The following NOL4 variants were observed in gnomAD, a reference collection of about 807,000 sequenced individuals.
The protein encoded by NOL4 is cancer/testis antigen 125.
In NOL4, 17 loss-of-function variants were observed where a neutral mutation model predicts 75.9. That is an observed-to-expected ratio of 0.22 (90% CI 0.15 to 0.34). NOL4 has a LOEUF of 0.34. NOL4 is among the 10% of genes least tolerant of loss of function. The pLI, the probability that NOL4 is intolerant of heterozygous loss-of-function variation, is 1.00. For missense variants in NOL4, 614 were observed against 793.5 expected (o/e 0.77, Z 2.72); for synonymous variants, 292 against 289.9 (o/e 1.01, Z -0.07).
chr18:34,017,184 C>T (rs1256534041), intron 6 of NOL4, among the ~76,000 whole-genome samples: 1 of 152,126 alleles, frequency 6.6e-6, no homozygotes, highest in African/African-American at 2.4e-5. Context: ...CTTACTTAAA[C>T]TCTTACTGTT....
chr18:34,085,592 A>T (rs1271725525), intron 5 of NOL4, among the ~76,000 whole-genome samples: 1 of 152,172 alleles, frequency 6.6e-6, no homozygotes, highest in African/African-American at 2.4e-5. Context: ...CAATGAGCTA[A>T]TTCTCTAAAC....
At chr18:33,925,863 C>T (rs1473270365) in intron 9 of NOL4, among the ~76,000 whole-genome samples, 1 of 152,076 alleles carries the variant, frequency 6.6e-6, no homozygotes, top group Non-Finnish European at 1.5e-5. Context: ...CTTTTCCAGG[C>T]CCATTTGTTT....
At chr18:34,041,492 G>C (rs1340628573) in intron 5 of NOL4, among the ~76,000 whole-genome samples, 1 of 146,916 alleles carries the variant, frequency 6.8e-6, no homozygotes, top group Non-Finnish European at 1.5e-5. Context: ...GTTATCCATG[G>C]GGACCTTATT....
chr18:33,883,085 T>C (rs981113412), intron 10 of NOL4, among the ~76,000 whole-genome samples, 159 bp downstream of exon 10: 3 of 152,140 alleles, frequency 2.0e-5, no homozygotes, highest in Admixed American at 1.3e-4. Flanking sequence ...AGCGATAGCA[T>C]TGGGAGATAT....
At chr18:33,861,915 A>G (rs1018204640) in intron 10 of NOL4, among the ~76,000 whole-genome samples, 1 of 152,252 alleles carries the variant, frequency 6.6e-6, no homozygotes, top group Middle Eastern at 3.4e-3. Flanking sequence ...ATTGGAAAAA[A>G]CTACTTTCAA....
intron 5 of NOL4, among the ~76,000 whole-genome samples, chr18:34,045,943 G>A (rs2076344230): frequency 6.6e-6 from 1 of 151,980 alleles, no homozygotes; most frequent in Admixed American, 6.6e-5. Context: ...CAATCACAAT[G>A]GGCAGTTTTA....
intron 1 of NOL4, among the ~76,000 whole-genome samples, chr18:34,194,455 G>C (rs2035169242): frequency 6.8e-6 from 1 of 146,370 alleles, no homozygotes. Flanking sequence ...AAGGAAGGAA[G>C]GAAGGCAGGC....
chr18:34,171,888 A>C (rs531070546), intron 1 of NOL4, among the ~76,000 whole-genome samples: 1 of 152,238 alleles, frequency 6.6e-6, no homozygotes, highest in African/African-American at 2.4e-5. Flanking sequence ...AATCAGAATT[A>C]TACTCTCTAT....
chr18:34,211,290 A>C (rs1317886951), intron 1 of NOL4, among the ~76,000 whole-genome samples: 1 of 152,236 alleles, frequency 6.6e-6, no homozygotes, highest in Non-Finnish European at 1.5e-5. Context: ...ACAGAGGAAA[A>C]ATGAGCAACA....
chr18:34,069,907 C>T (rs1418968418), intron 5 of NOL4, among the ~76,000 whole-genome samples: 2 of 152,226 alleles, frequency 1.3e-5, no homozygotes, highest in Non-Finnish European at 2.9e-5. Context: ...AACTTAGGAC[C>T]AACCAGAGAA....
chr18:34,011,989 C>T (rs1016389585), intron 6 of NOL4, among the ~76,000 whole-genome samples: 3 of 151,838 alleles, frequency 2.0e-5, no homozygotes, highest in Non-Finnish European at 4.4e-5. Flanking sequence ...ATTATAGAAG[C>T]CCCTCACCTT....
chr18:34,147,750 T>A (rs2081467330), intron 1 of NOL4, among the ~76,000 whole-genome samples: 1 of 152,124 alleles, frequency 6.6e-6, no homozygotes, highest in South Asian at 2.1e-4. Flanking sequence ...TAGGGAAGAT[T>A]TCCTCTTTTT....
intron 5 of NOL4, among the ~76,000 whole-genome samples, chr18:34,026,465 C>T (rs1483265715): frequency 1.3e-5 from 2 of 152,094 alleles, no homozygotes; most frequent in Non-Finnish European, 2.9e-5. Flanking sequence ...CTATGGGAGC[C>T]GCCTCTTTCT....
At chr18:34,092,741 T>C (rs2145543332) in intron 5 of NOL4, among the ~76,000 whole-genome samples, 1 of 152,306 alleles carries the variant, frequency 6.6e-6, no homozygotes, top group East Asian at 1.9e-4. Flanking sequence ...ATTACCAAAA[T>C]AAGTCACATT....
chr18:34,216,036 C>A (rs2036864236), intron 1 of NOL4, among the ~76,000 whole-genome samples: 1 of 151,990 alleles, frequency 6.6e-6, no homozygotes, highest in South Asian at 2.1e-4. Flanking sequence ...AATCCACATA[C>A]AAGTGGACCC....
intron 1 of NOL4, among the ~76,000 whole-genome samples, chr18:34,208,878 A>G (rs1194568810): frequency 6.6e-6 from 1 of 151,836 alleles, no homozygotes; most frequent in Admixed American, 6.6e-5. Context: ...ATGAAAAGAA[A>G]ACTGTAATTA....
intron 1 of NOL4, among the ~76,000 whole-genome samples, chr18:34,207,441 GAT>G (rs1168011502): frequency 6.6e-6 from 1 of 152,090 alleles, no homozygotes; most frequent in Non-Finnish European, 1.5e-5. Context: ...TTTAAATTTT[GAT>G]ATGTTTCTTT....
intron 6 of NOL4, among the ~76,000 whole-genome samples, chr18:33,990,540 C>A (rs1435847224): frequency 2.0e-5 from 3 of 152,008 alleles, no homozygotes. Context: ...TTGTCCAAAT[C>A]CTACAAATTG....
At chr18:33,981,295 A>T (rs1039398700) in intron 6 of NOL4, among the ~76,000 whole-genome samples, 7 of 53,406 alleles carry the variant, frequency 1.3e-4, no homozygotes, top group African/African-American at 5.1e-4. Flanking sequence ...GACTGAAATT[A>T]AAAAAAAAAA....
Sources: allele counts gnomAD v4.1 joint callset (sites outside exome capture counted in the v4.1 genomes callset), GRCh38; gene constraint gnomAD v4.1.1; transcripts MANE v1.5; gene names NCBI Gene and HGNC (gene_info 2026-07-23, HGNC 2026-07-21).